The following RDX variants were observed in gnomAD, a reference collection of about 807,000 sequenced individuals.
The protein encoded by RDX is deafness, autosomal recessive 24.
Under a neutral mutation model 83.7 loss-of-function variants are expected in RDX, and 32 were observed. That is an observed-to-expected ratio of 0.38 (90% CI 0.29 to 0.51). The LOEUF (loss-of-function observed/expected upper bound fraction) is 0.51, where lower values mean the gene tolerates loss of function less well. RDX is among the 20% of genes least tolerant of loss of function. RDX has a pLI of 0.87. For missense variants in RDX, 600 were observed against 689.9 expected, an observed-to-expected ratio of 0.87 and a Z score of 1.46; for synonymous variants, 229 against 222.7, an observed-to-expected ratio of 1.03 and a Z score of -0.25.
chr11:110,273,412 GT>G lies in RDX; in HGVS notation c.13-794del, dbSNP rs548745863. The stretch of plus-strand genomic sequence containing the variant: ...TATTTGCTAGATTCTATTTTTTGTT[GT>G]TTTTAGAGACAGGGTCTCACTATGT... On this transcript the variant is annotated intron_variant, in intron 2 of 13. Coordinates refer to ENST00000645495, the MANE Select transcript of RDX (RefSeq NM_002906.4). Among the ~76,000 whole-genome samples, 204 of 152,222 alleles carry G rather than the reference GT, an allele frequency of 1.3e-3. 1 individual carries two copies. Among genetic ancestry groups the G allele is most frequent in the African/African-American group, 4.6e-3 (193 of 41,550 alleles).
intron 14 of RDX, among the ~76,000 whole-genome samples, chr11:110,220,995 A>G (rs1262579593): frequency 1.3e-5 from 2 of 152,158 alleles, no homozygotes; most frequent in African/African-American, 4.8e-5. Flanking sequence ...GACTCCTGAC[A>G]GTTTCTAAGC....
chr11:110,182,411 G>A lies in RDX; in HGVS notation c.*32-7177C>T, dbSNP rs543974936. 2.0e-5 allele frequency among the ~76,000 whole-genome samples: 3 copies of A among 152,282 alleles called. No individual in the cohort carries two copies. The South Asian group carries it at 6.2e-4, about 32-fold the overall frequency. On this transcript the variant is annotated intron_variant, in intron 15 of 15. Transcript: ENST00000528498. Reference sequence around the variant, plus strand: ...GGCTCAGGAGTTTGAGACCAGCCTGGGCAACATGGCAAAACCCCGTCTCTA... The same window carrying A: ...GGCTCAGGAGTTTGAGACCAGCCTGAGCAACATGGCAAAACCCCGTCTCTA...
At chr11:110,263,626 T>G (rs1472791132) in intron 5 of RDX, among the ~76,000 whole-genome samples, 4 of 151,278 alleles carry the variant, frequency 2.6e-5, no homozygotes, top group Non-Finnish European at 5.9e-5. Context: ...TTTGGGAGGC[T>G]GAGGCGGGCA....
intron 11 of RDX, 27 bp from the exon 12 acceptor site, chr11:110,236,218 T>C: frequency 6.5e-7 from 1 of 1,528,940 alleles, no homozygotes; most frequent in Non-Finnish European, 9.1e-7. Flanking sequence ...AATTCCAAAA[T>C]TAAAATAACA....
intron 15 of RDX, among the ~76,000 whole-genome samples, chr11:110,188,746 C>T (rs1278490419): frequency 6.6e-6 from 1 of 152,148 alleles, no homozygotes; most frequent in Non-Finnish European, 1.5e-5. Context: ...TATCCTACCA[C>T]ACTAAGCTTC....
intron 1 of RDX, among the ~76,000 whole-genome samples, chr11:110,294,494 T>A (rs935089053): frequency 2.0e-5 from 3 of 152,020 alleles, no homozygotes; most frequent in African/African-American, 7.3e-5. Flanking sequence ...TGATGGACAG[T>A]GGAAGAAATC....
intron 3 of RDX, among the ~76,000 whole-genome samples, chr11:110,268,309 G>C (rs770707723): frequency 7.0e-6 from 1 of 143,266 alleles, no homozygotes; most frequent in Non-Finnish European, 1.5e-5. Flanking sequence ...ACTCTGTTTC[G>C]GGGAAAAAAA....
chr11:110,272,812 T>TA (rs1219864505), intron 2 of RDX, 193 bp from the exon 3 acceptor site: 15 of 575,948 alleles, frequency 2.6e-5, no homozygotes, highest in Non-Finnish European at 4.7e-5. Context: ...TACTGGGCAC[T>TA]AAGCTATGGG....
intron 1 of RDX, among the ~76,000 whole-genome samples, chr11:110,291,527 G>C (rs962408611): frequency 6.6e-6 from 1 of 152,166 alleles, no homozygotes; most frequent in Admixed American, 6.5e-5. Context: ...TCTGGAAACA[G>C]TTCCTCTTAT....
At chr11:110,187,962 C>A (rs1201017286) in intron 15 of RDX, among the ~76,000 whole-genome samples, 1 of 152,196 alleles carries the variant, frequency 6.6e-6, no homozygotes, top group Non-Finnish European at 1.5e-5. Flanking sequence ...ATAAAACCTG[C>A]CAACAGAAGT....
At chr11:110,194,495 C>T (rs1033587384) in intron 15 of RDX, among the ~76,000 whole-genome samples, 2 of 152,228 alleles carry the variant, frequency 1.3e-5, no homozygotes, top group Non-Finnish European at 2.9e-5. Context: ...GCTGGGATTA[C>T]AGGGGTGAGT....
In RDX at chr11:110,237,636, AG is replaced by A. The variant is rs1438243734; in HGVS notation, c.1106del (p.Thr369IlefsTer5). 6.2e-7 allele frequency: 1 copy of A among 1,613,976 alleles called. No individual in the cohort carries two copies. Among genetic ancestry groups the A allele is most frequent in the African/African-American group, 1.3e-5 (1 of 74,900 alleles). ...CTTGATCCAGTTCTAGAGCTTTTCG[AG>A]TCTGTTCTTCTAGTTCTATGAAATA... Reference protein sequence around the residue: ...IKAQKELEEQTRKALELDQER... With the variant: ...IKAQKELEEQXRKALELDQER... On this transcript the variant is annotated frameshift_variant, in exon 11 of 14. Transcript: ENST00000645495. LOFTEE classifies it high-confidence loss of function.
intron 15 of RDX, among the ~76,000 whole-genome samples, chr11:110,192,864 A>C (rs547361902): frequency 1.3e-5 from 2 of 152,176 alleles, no homozygotes; most frequent in South Asian, 4.1e-4. Context: ...CAAAAAAAAA[A>C]ACAGCAGATG....
At chr11:110,247,070 A>G (rs1047270803) in intron 10 of RDX, among the ~76,000 whole-genome samples, 1 of 152,192 alleles carries the variant, frequency 6.6e-6, no homozygotes, top group Admixed American at 6.5e-5. Flanking sequence ...TGAAAGTGGT[A>G]TATCCTAAAG....
chr11:110,290,382 A>G (rs767468219), intron 1 of RDX, among the ~76,000 whole-genome samples: 2 of 152,050 alleles, frequency 1.3e-5, no homozygotes, highest in Non-Finnish European at 1.5e-5. Flanking sequence ...AGTGGTGGCA[A>G]GCTCCTATAG....
intron 1 of RDX, among the ~76,000 whole-genome samples, chr11:110,290,703 GC>G (rs1465385199): frequency 6.6e-6 from 1 of 152,144 alleles, no homozygotes; most frequent in Non-Finnish European, 1.5e-5. Flanking sequence ...TCCGTAAAGG[GC>G]CAGGTAAGTA....
chr11:110,207,253 C>T (rs777513794), intron 14 of RDX, among the ~76,000 whole-genome samples: 6 of 152,178 alleles, frequency 3.9e-5, no homozygotes, highest in African/African-American at 4.8e-5. Flanking sequence ...GGATTACAGG[C>T]CTGAGCCACC....
At chr11:110,232,253 T>C (rs1308701177) in intron 13 of RDX, among the ~76,000 whole-genome samples, 1 of 152,182 alleles carries the variant, frequency 6.6e-6, no homozygotes, top group Non-Finnish European at 1.5e-5. Context: ...TGTACATTAT[T>C]CTAAATTTCC....
intron 15 of RDX, chr11:110,179,976 A>C (rs1484122388): frequency 3.0e-5 from 11 of 361,518 alleles, no homozygotes. Flanking sequence ...ATCTCAGCTC[A>C]CTGCAACCTC....
Sources: allele counts gnomAD v4.1 joint callset (sites outside exome capture counted in the v4.1 genomes callset), GRCh38; gene constraint gnomAD v4.1.1; transcripts MANE v1.5; gene names NCBI Gene and HGNC (gene_info 2026-07-23, HGNC 2026-07-21).